PFKP: variants seen among roughly 807,000 people sequenced by gnomAD.
The protein encoded by PFKP is phosphofructokinase, platelet, also known as ATP-dependent 6-phosphofructokinase, platelet type.
PFKP carries 101 observed loss-of-function variants against 94.3 expected under a neutral mutation model. That is an observed-to-expected ratio of 1.07 (90% CI 0.91 to 1.26). The LOEUF is 1.26. Ranked by LOEUF, PFKP falls within the 50% of genes most tolerant of loss-of-function variation. PFKP has a pLI of 0.00. For synonymous variants in PFKP, 573 were observed against 432.6 expected (o/e 1.32, Z -4.03); for missense variants, 1,145 against 1,103.3 (o/e 1.04, Z -0.53).
At chr10:3,112,669 T>G (rs1461139672) in intron 11 of PFKP, among the ~76,000 whole-genome samples, 1 of 152,222 alleles carries the variant, frequency 6.6e-6, no homozygotes, top group East Asian at 1.9e-4. Context: ...GCAATTCTCA[T>G]GTCTCAGCCT....
chr10:3,073,490 G>T (rs1387860683), intron 1 of PFKP, among the ~76,000 whole-genome samples: 6 of 151,778 alleles, frequency 4.0e-5, no homozygotes, highest in Non-Finnish European at 8.8e-5. Flanking sequence ...CGACTCTCAC[G>T]GGGAGGGCAC....
intron 4 of PFKP, 104 bp downstream of exon 4, chr10:3,101,658 C>A: frequency 2.7e-6 from 2 of 753,000 alleles, no homozygotes; most frequent in Non-Finnish European, 4.2e-6. Context: ...CCTCTTCTCA[C>A]AGATCTTACA....
At chr10:3,134,422 C>T (rs548351979) in intron 19 of PFKP, 61 bp from the exon 20 acceptor site, 7 of 718,944 alleles carry the variant, frequency 9.7e-6, no homozygotes, top group African/African-American at 2.3e-5. Flanking sequence ...ATTGTCATTT[C>T]TATTTAACAG....
At chr10:3,127,569 G>C (rs1838096857) in intron 16 of PFKP, among the ~76,000 whole-genome samples, 1 of 152,308 alleles carries the variant, frequency 6.6e-6, no homozygotes, top group Non-Finnish European at 1.5e-5. Flanking sequence ...AAGTCTTAAA[G>C]CCTTACAGCG....
At chr10:3,101,644 A>T in intron 4 of PFKP, 90 bp downstream of exon 4, 1 of 903,478 alleles carries the variant, frequency 1.1e-6, no homozygotes, top group Admixed American at 3.4e-5. Context: ...CTGTGGCAGA[A>T]GTACCTCTTC....
intron 13 of PFKP, among the ~76,000 whole-genome samples, chr10:3,115,229 T>C: frequency 6.8e-6 from 1 of 146,458 alleles, no homozygotes; most frequent in African/African-American, 2.5e-5. Flanking sequence ...AAAGTGTGTG[T>C]CCCACGGCCG....
At chr10:3,085,993 G>C (rs1374081381) in intron 2 of PFKP, among the ~76,000 whole-genome samples, 1 of 152,038 alleles carries the variant, frequency 6.6e-6, no homozygotes, top group Non-Finnish European at 1.5e-5. Context: ...GGGTGGGCGG[G>C]GGAGAGGGTG....
intron 1 of PFKP, chr10:3,069,217 G>C: frequency 7.6e-7 from 1 of 1,323,702 alleles, no homozygotes; most frequent in Admixed American, 3.2e-5. Context: ...CCCCCGGGAA[G>C]TGCTCTGGCG....
At chr10:3,100,535 A>ACT (rs1233789960) in intron 3 of PFKP, among the ~76,000 whole-genome samples, 2 of 152,190 alleles carry the variant, frequency 1.3e-5, no homozygotes, top group African/African-American at 2.4e-5. Context: ...ACACGCACTC[A>ACT]CGTCACTGCA....
chr10:3,136,464 A>C lies in PFKP; in HGVS notation c.2240A>C (p.Lys747Thr), dbSNP rs201685062. The C allele has an allele frequency of 2.4e-5, 39 of 1,613,502 alleles. 1 individual carries two copies. The highest frequency in any genetic ancestry group is 3.1e-5 in the Non-Finnish European group (37 of 1,179,658). Residue 747 changes from lysine (K) to threonine (T), a missense_variant, in exon 22 of 22, where the codon AAA becomes ACA. This residue lies in a region of PFKP where 1,119 missense variants were observed against 1,062.8 expected (regional missense o/e 1.05). Transcript: ENST00000381125. ...KQTDFEHRIP[K>T]EQWWLKLRPL... ...TACCTCCACAGGCACAGGATTCCCA[A>C]AGAACAGTGGTGGCTCAAGCTACGG...
chr10:3,111,084 ATG>A (rs566553365), intron 10 of PFKP, among the ~76,000 whole-genome samples: 21 of 151,502 alleles, frequency 1.4e-4, no homozygotes, highest in African/African-American at 4.9e-4. Flanking sequence ...ATGCATCTGC[ATG>A]TGTGTGCATG....
chr10:3,134,761 T>C (rs1839031952), intron 20 of PFKP, among the ~76,000 whole-genome samples, 179 bp downstream of exon 20: 1 of 152,270 alleles, frequency 6.6e-6, no homozygotes, highest in South Asian at 2.1e-4. Context: ...CTTGGATTCC[T>C]GGGATAAGAT....
chr10:3,120,416 T>C (rs1179921007), intron 16 of PFKP, among the ~76,000 whole-genome samples: 1 of 151,912 alleles, frequency 6.6e-6, no homozygotes, highest in African/African-American at 2.4e-5. Flanking sequence ...CTAAATTTTC[T>C]TTGAGCCTCC....
chr10:3,118,328 C>T (rs775047520), intron 14 of PFKP, among the ~76,000 whole-genome samples: 15 of 151,970 alleles, frequency 9.9e-5, no homozygotes, highest in East Asian at 1.9e-4. Flanking sequence ...ATTAGCCGGG[C>T]GTGGTGGCGG....
intron 1 of PFKP, among the ~76,000 whole-genome samples, chr10:3,071,942 A>G (rs1055272752): frequency 3.3e-5 from 5 of 152,202 alleles, no homozygotes; most frequent in Non-Finnish European, 5.9e-5. Flanking sequence ...CCCTGAGTTC[A>G]CAGAGCTCCG....
intron 1 of PFKP, among the ~76,000 whole-genome samples, chr10:3,067,912 C>A (rs981051790): frequency 1.3e-5 from 2 of 152,102 alleles, no homozygotes; most frequent in African/African-American, 4.8e-5. Flanking sequence ...CCGGAAGCGG[C>A]AGGGGTACCT....
intron 13 of PFKP, among the ~76,000 whole-genome samples, chr10:3,115,207 G>A (rs1263618868): frequency 6.6e-6 from 1 of 152,232 alleles, no homozygotes; most frequent in Non-Finnish European, 1.5e-5. Flanking sequence ...GGAGACTCAT[G>A]AGGCCAGGGT....
chr10:3,089,819 C>T (rs994958539), intron 2 of PFKP, among the ~76,000 whole-genome samples: 2 of 151,828 alleles, frequency 1.3e-5, no homozygotes, highest in African/African-American at 2.4e-5. Context: ...TTTATTCCTT[C>T]TATCTCAAAC....
chr10:3,082,927 G>T (rs1229772414), intron 2 of PFKP, among the ~76,000 whole-genome samples: 1 of 152,128 alleles, frequency 6.6e-6, no homozygotes, highest in East Asian at 1.9e-4. Context: ...TGGCCAGGCT[G>T]GTCTGAGTCC....
Sources: gnomAD v4.1 joint callset for allele counts (sites outside exome capture counted in the v4.1 genomes callset) on GRCh38, gnomAD v4.1.1 for gene constraint, gnomAD v4.1.1 regional missense constraint, MANE v1.5 for transcripts, NCBI Gene and HGNC (gene_info 2026-07-23, HGNC 2026-07-21) for gene names.